RUSC2: variants seen among roughly 807,000 people sequenced by gnomAD.
The protein encoded by RUSC2 is AP-4 complex accessory subunit RUSC2.
Under a neutral mutation model 122.2 loss-of-function variants are expected in RUSC2, and 34 were observed. That is an observed-to-expected ratio of 0.28 (90% CI 0.21 to 0.37). The LOEUF (loss-of-function observed/expected upper bound fraction) is 0.37, where lower values mean the gene tolerates loss of function less well. Ranked by LOEUF, RUSC2 falls within the 10% of genes least tolerant of loss-of-function variation. The pLI, the probability that RUSC2 is intolerant of heterozygous loss-of-function variation, is 1.00. For missense variants in RUSC2, 1,747 were observed against 1,952.4 expected (o/e 0.89, Z 1.98); for synonymous variants, 784 against 790.0 (o/e 0.99, Z 0.13).
intron 2 of RUSC2, among the ~76,000 whole-genome samples, chr9:35,553,165 T>A (rs1026353108): frequency 5.9e-5 from 9 of 152,238 alleles, no homozygotes; most frequent in Middle Eastern, 3.4e-3. Context: ...GGTGTGGAAG[T>A]CTGAAGGGAG....
In RUSC2 at chr9:35,548,498, C is replaced by T. The variant is rs756664898; in HGVS notation, c.1977C>T (p.Asn659=). ...CTGCTCTCCCAGGGAGCCCAGCCAACAGCCATACCCAGAGGGATGCAAGAG... is the reference window on the plus strand; with the variant it reads ...CTGCTCTCCCAGGGAGCCCAGCCAATAGCCATACCCAGAGGGATGCAAGAG... The part of the protein sequence containing the change: ...PGPALPGSPA[N]SHTQRDARAR... The change falls in exon 2 of 12, where the codon AAC becomes AAT. Residue 659 remains asparagine (N), a synonymous_variant. Transcript: ENST00000361226. This position sits in a 1 kb window ranked among gnomAD's most constrained non-coding sequence, Gnocchi z 4.5. The T allele has an allele frequency of 6.2e-7, 1 of 1,613,482 alleles. No individual in the cohort carries two copies. Among genetic ancestry groups the T allele is most frequent in the Admixed American group, 1.7e-5 (1 of 60,008 alleles).
In RUSC2 at chr9:35,530,239, C is replaced by G. The variant is rs570016347; in HGVS notation, c.-92-16191C>G. ...ATGCTGGGATTACAGGTGTGAGCCA[C>G]CCTACCTGGCCAGCCATTCAGTAGC... On this transcript the variant is annotated intron_variant, in intron 1 of 11. Coordinates refer to ENST00000361226, the MANE Select transcript of RUSC2 (RefSeq NM_014806.5). Among the ~76,000 whole-genome samples the G allele has an allele frequency of 7.9e-5, 12 of 152,316 alleles. No individual in the cohort carries two copies. The South Asian group carries it at 1.7e-3, about 21-fold the overall frequency.
At chr9:35,544,145 A>ATCC (rs1182250335) in intron 1 of RUSC2, among the ~76,000 whole-genome samples, 1 of 151,874 alleles carries the variant, frequency 6.6e-6, no homozygotes, top group Non-Finnish European at 1.5e-5. Context: ...TTCTTATTTT[A>ATCC]TCCCTCCCAG....
chr9:35,546,818 A>T lies in RUSC2; in HGVS notation c.297A>T (p.Arg99=), dbSNP rs1564262963. ...RDGRGPGAPK[R]HNPFLLQEGV... ...GAAGAGGCCCTGGAGCCCCCAAACG[A>T]CACAACCCCTTCTTGCTGCAGGAGG... Residue 99 remains arginine, a synonymous_variant, in exon 2 of 12, where the codon CGA becomes CGT. Coordinates refer to ENST00000361226, the MANE Select transcript of RUSC2 (RefSeq NM_014806.5). This position sits in a 1 kb window ranked among gnomAD's most constrained non-coding sequence, Gnocchi z 4.3. 6.2e-7 allele frequency: 1 copy of T among 1,612,050 alleles called. No homozygotes were observed. The highest frequency in any genetic ancestry group is 8.5e-7 in the Non-Finnish European group (1 of 1,179,072).
chr9:35,560,333 T>C lies in RUSC2; in HGVS notation c.3693T>C (p.Gly1231=), dbSNP rs147481175. 1.9e-6 allele frequency: 3 copies of C among 1,607,180 alleles called. No homozygotes were observed. The highest frequency in any genetic ancestry group is 1.3e-5 in the African/African-American group (1 of 74,362). ...DRAAQGERVK[G]VGASEGGEEE... ...CAGCCCAAGGGGAGCGGGTGAAGGGTGTGGGTGCCTCAGAAGGTGGAGAAG... is the reference window on the plus strand; with the variant it reads ...CAGCCCAAGGGGAGCGGGTGAAGGGCGTGGGTGCCTCAGAAGGTGGAGAAG... The change falls in exon 10 of 12, where the codon GGT becomes GGC. Residue 1231 remains glycine, a synonymous_variant. Coordinates refer to ENST00000361226, the MANE Select transcript of RUSC2 (RefSeq NM_014806.5).
At position 35,560,443 on chromosome 9, in the gene RUSC2, C is replaced by T. The variant is rs753721085; in HGVS notation, c.3803C>T (p.Ala1268Val). ...GRARWARGGQ[A>V]GWWYQLMQSS... is the part of the protein sequence containing the mutation. ...GCCAGGTGGGCCCGAGGTGGGCAGG[C>T]CGGCTGGTGGTACCAGCTCATGCAG... The change falls in exon 10 of 12, where the codon GCC becomes GTC. Residue 1268 changes from alanine (A) to valine (V), a missense_variant. Physicochemically the swap from Ala to Val is moderately conservative, Grantham distance 64 (BLOSUM62 0). Coordinates refer to ENST00000361226, the MANE Select transcript of RUSC2 (RefSeq NM_014806.5). 5 of 1,614,200 alleles carry T rather than the reference C, an allele frequency of 3.1e-6. No individual in the cohort carries two copies. Among genetic ancestry groups the T allele is most frequent in the Admixed American group, 1.7e-5 (1 of 60,032 alleles).
At chr9:35,530,089 C>G (rs1821392027) in intron 1 of RUSC2, among the ~76,000 whole-genome samples, 1 of 152,170 alleles carries the variant, frequency 6.6e-6, no homozygotes, top group African/African-American at 2.4e-5. Context: ...GTAGCTAGGA[C>G]TACAGGTGCA....
At chr9:35,519,648 G>T (rs1463239781) in intron 1 of RUSC2, among the ~76,000 whole-genome samples, 1 of 152,146 alleles carries the variant, frequency 6.6e-6, no homozygotes, top group Non-Finnish European at 1.5e-5. Context: ...GATTTTGCCT[G>T]CCACTTCCCT....
In RUSC2 at chr9:35,548,995, G is replaced by T; in HGVS notation, c.2014+460G>T. 1 of 890,472 alleles carries T rather than the reference G, an allele frequency of 1.1e-6. No individual in the cohort carries two copies. Among genetic ancestry groups the T allele is most frequent in the Non-Finnish European group, 1.3e-6 (1 of 743,564 alleles). 55.2% of individuals were successfully genotyped at this position (890,472 alleles called of 1,614,324 possible). On this transcript the variant is annotated intron_variant, in intron 2 of 11. Transcript: ENST00000361226. This position sits in a 1 kb window ranked among gnomAD's most constrained non-coding sequence, Gnocchi z 4.5. ...TGCACTGAGCTGAGATCATACCACTGCACTCCAGCCTGGGCAGACAGAGTG... is the reference window on the plus strand; with the variant it reads ...TGCACTGAGCTGAGATCATACCACTTCACTCCAGCCTGGGCAGACAGAGTG...
Position 35,558,079 on chromosome 9 carries a change from A to C in RUSC2, c.3060+89A>C. The C allele has an allele frequency of 1.3e-6, 2 of 1,582,814 alleles. No individual in the cohort carries two copies. The highest frequency in any genetic ancestry group is 2.2e-5 in the South Asian group (2 of 90,338). On this transcript the variant is annotated intron_variant, in intron 6 of 11. Coordinates refer to ENST00000361226, the MANE Select transcript of RUSC2 (RefSeq NM_014806.5). This position sits in a 1 kb window ranked among gnomAD's most constrained non-coding sequence, Gnocchi z 4.3. ...CCTTCCCTTGCTGTCTTGCATTTAG[A>C]GCCCAGGGTTGGGTACTTAGGAATG...
At chr9:35,559,486 G>A (rs1822094719) in intron 9 of RUSC2, among the ~76,000 whole-genome samples, 1 of 152,148 alleles carries the variant, frequency 6.6e-6, no homozygotes, top group Non-Finnish European at 1.5e-5. Context: ...TGTAATCCCA[G>A]CACTTTGGGA....
intron 1 of RUSC2, among the ~76,000 whole-genome samples, chr9:35,518,809 C>G (rs1045885216): frequency 6.6e-6 from 1 of 152,162 alleles, no homozygotes; most frequent in African/African-American, 2.4e-5. Flanking sequence ...CAGGCTTTTT[C>G]TTTTTCTTTA....
At position 35,557,960 on chromosome 9, in the gene RUSC2, T is replaced by C; in HGVS notation, c.3030T>C (p.His1010=). The change falls in exon 6 of 12, where the codon CAT becomes CAC. Residue 1010 remains histidine (H), a synonymous_variant. Coordinates refer to ENST00000361226, the MANE Select transcript of RUSC2 (RefSeq NM_014806.5). The surrounding 1 kb of genome is among the most constrained non-coding windows in gnomAD (Gnocchi z 4.6). ...TCGCTGTGGACCTCATTGTGGCTCA[T>C]TTTGGCACAAGCCGGGATCCCGGGG... ...VNIAVDLIVA[H]FGTSRDPGVK... 1 of 1,614,168 alleles carries C rather than the reference T, an allele frequency of 6.2e-7. No homozygotes were observed. Among genetic ancestry groups the C allele is most frequent in the East Asian group, 2.2e-5 (1 of 44,882 alleles).
chr9:35,511,185 T>C (rs1821004913), intron 1 of RUSC2, among the ~76,000 whole-genome samples: 1 of 152,316 alleles, frequency 6.6e-6, no homozygotes, highest in African/African-American at 2.4e-5. Flanking sequence ...TGCTGGACTT[T>C]TGAAACATAT....
At chr9:35,494,555 A>AT (rs1820636349) in intron 1 of RUSC2, among the ~76,000 whole-genome samples, 1 of 152,058 alleles carries the variant, frequency 6.6e-6, no homozygotes, top group Non-Finnish European at 1.5e-5. Context: ...GATATCGAGC[A>AT]TTTTTTCATG....
intron 2 of RUSC2, among the ~76,000 whole-genome samples, chr9:35,552,694 C>G (rs996558038): frequency 6.6e-6 from 1 of 152,202 alleles, no homozygotes; most frequent in Non-Finnish European, 1.5e-5. Flanking sequence ...GTTCTGGGTA[C>G]CACATCTTAA....
In RUSC2 at chr9:35,557,090, G is replaced by T. The variant is rs16932494; in HGVS notation, c.2983+642G>T. 8.9e-3 allele frequency among the ~76,000 whole-genome samples: 1,352 copies of T among 152,266 alleles called. 16 individuals are homozygous for T. The highest frequency in any genetic ancestry group is 0.032 in the African/African-American group (1,314 of 41,540). On this transcript the variant is annotated intron_variant, in intron 5 of 11. Transcript: ENST00000361226. This position sits in a 1 kb window ranked among gnomAD's most constrained non-coding sequence, Gnocchi z 4.6. Reference sequence around the variant, plus strand: ...GGTACTAGAGGGCCCAGCAGCTTGGGTAAGAGTGTTGGTGACATCTAGTAA... The same window carrying T: ...GGTACTAGAGGGCCCAGCAGCTTGGTTAAGAGTGTTGGTGACATCTAGTAA...
At chr9:35,490,660 C>A (rs535046903) in intron 1 of RUSC2, among the ~76,000 whole-genome samples, 1 of 152,306 alleles carries the variant, frequency 6.6e-6, no homozygotes, top group South Asian at 2.1e-4. Flanking sequence ...CTCCCTCCAC[C>A]CTTTTAGCCC....
In RUSC2 at chr9:35,555,871, G is replaced by A; in HGVS notation, c.2657-81G>A. 6.6e-7 allele frequency: 1 copy of A among 1,514,692 alleles called. No homozygotes were observed. The highest frequency in any genetic ancestry group is 1.9e-5 in the Admixed American group (1 of 51,788). The allele number at this position is 1,514,692 out of a possible 1,614,324, so 93.8% of individuals were successfully genotyped here. A position where few individuals can be genotyped will look rare whatever the true frequency, so the allele number is the denominator to read the frequency against. On this transcript the variant is annotated intron_variant, in intron 3 of 11. Coordinates refer to ENST00000361226, the MANE Select transcript of RUSC2 (RefSeq NM_014806.5). This position sits in a 1 kb window ranked among gnomAD's most constrained non-coding sequence, Gnocchi z 4.6. ...CCACAGATAATCTAGTGTTTCATAT[G>A]GGCCCACTGGGTGGATGTGAAACTC...
Sources: gnomAD v4.1 joint callset for allele counts (sites outside exome capture counted in the v4.1 genomes callset) on GRCh38, gnomAD v4.1.1 for gene constraint, Gnocchi (gnomAD v3.1) non-coding constraint, MANE v1.5 for transcripts, NCBI Gene and HGNC (gene_info 2026-07-23, HGNC 2026-07-21) for gene names.